The following CACNA2D3 variants were observed in gnomAD, a reference collection of about 807,000 sequenced individuals.
CACNA2D3 encodes calcium voltage-gated channel auxiliary subunit alpha2delta 3.
A neutral mutation model predicts 160.6 loss-of-function variants in CACNA2D3; 60 were observed. The ratio of observed to expected loss-of-function variants is 0.37; its 90% CI spans 0.30 to 0.46. The LOEUF (loss-of-function observed/expected upper bound fraction) is 0.46, where lower values mean the gene tolerates loss of function less well. Among genes scored for constraint, CACNA2D3 ranks in the 20% least tolerant of loss-of-function variants. The pLI, the probability that CACNA2D3 is intolerant of heterozygous loss-of-function variation, is 1.00. For synonymous variants in CACNA2D3, 558 were observed against 492.9 expected (o/e 1.13, Z -1.75); for missense variants, 1,205 against 1,365.0 (o/e 0.88, Z 1.85).
chr3:55,066,621 G>T (rs879920516), intron 35 of CACNA2D3, among the ~76,000 whole-genome samples: 2 of 152,144 alleles, frequency 1.3e-5, no homozygotes, highest in Non-Finnish European at 2.9e-5. Flanking sequence ...GTCACGGGAG[G>T]CTGTCTTGAA....
intron 2 of CACNA2D3, among the ~76,000 whole-genome samples, chr3:54,179,460 T>C (rs1700740093): frequency 6.6e-6 from 1 of 152,192 alleles, no homozygotes; most frequent in South Asian, 2.1e-4. Flanking sequence ...TGAGATGTTA[T>C]GTTCTAAGGC....
rs563319846 is a variant in CACNA2D3 at position 55,064,640 on chromosome 3, G to A, written c.2988-8805G>A. 7.2e-5 allele frequency among the ~76,000 whole-genome samples: 11 copies of A among 152,314 alleles called. 1 individual carries two copies. The South Asian group carries it at 2.3e-3, about 32-fold the overall frequency. On this transcript the variant is annotated intron_variant, in intron 35 of 37. Transcript: ENST00000474759. ...GAATTTTAAGACAGCCATGCCTGCA[G>A]AACACTGAACTCCAAGTGACCAGCC...
At chr3:55,006,125 T>G (rs767735452) in intron 32 of CACNA2D3, among the ~76,000 whole-genome samples, 14 of 152,232 alleles carry the variant, frequency 9.2e-5, no homozygotes, top group Non-Finnish European at 1.6e-4. Context: ...AACCTTAGCA[T>G]GAATATTTCC....
At chr3:54,888,256 T>C (rs1039671954) in intron 24 of CACNA2D3, among the ~76,000 whole-genome samples, 1 of 152,168 alleles carries the variant, frequency 6.6e-6, no homozygotes, top group Middle Eastern at 3.2e-3. Context: ...TATAATTTGT[T>C]TGAGTTTTAA....
At chr3:54,821,649 T>TTTCG (rs1703597341) in intron 14 of CACNA2D3, among the ~76,000 whole-genome samples, 7 of 46,896 alleles carry the variant, frequency 1.5e-4, no homozygotes, top group Non-Finnish European at 3.0e-4. Flanking sequence ...TCGTTCTTTC[T>TTTCG]TTCTTTCTTT....
intron 2 of CACNA2D3, among the ~76,000 whole-genome samples, chr3:54,224,767 T>C (rs1336194016): frequency 1.3e-5 from 2 of 152,154 alleles, no homozygotes; most frequent in Non-Finnish European, 2.9e-5. Context: ...ATACAAAGTG[T>C]GTTTAGATTC....
chr3:54,550,687 C>T (rs1453168994), intron 5 of CACNA2D3, among the ~76,000 whole-genome samples: 2 of 152,158 alleles, frequency 1.3e-5, no homozygotes, highest in Non-Finnish European at 2.9e-5. Context: ...AACAGAATTT[C>T]CCATTTACGT....
intron 5 of CACNA2D3, among the ~76,000 whole-genome samples, chr3:54,542,924 G>C (rs1702004213): frequency 6.6e-6 from 1 of 152,148 alleles, no homozygotes; most frequent in Non-Finnish European, 1.5e-5. Flanking sequence ...ATAGGAAAAA[G>C]ACAAGAGAGA....
Position 54,259,499 on chromosome 3 carries a change from G to C in CACNA2D3, c.205-60943G>C, listed in dbSNP as rs143197070. On this transcript the variant is annotated intron_variant, in intron 2 of 37. Transcript: ENST00000474759. ...GCTTCCACTTAATTAAGCCACACTG[G>C]TGAGATTTCATTTCTGCTGGATGGA... is the stretch of plus-strand genomic sequence containing the variant. Among the ~76,000 whole-genome samples the C allele has an allele frequency of 7.9e-3, 1,197 of 152,264 alleles. 19 individuals are homozygous for C. Among genetic ancestry groups the C allele is most frequent in the African/African-American group, 0.028 (1,149 of 41,546 alleles).
rs373556430 is a variant in CACNA2D3 at position 54,832,011 on chromosome 3, T to TCATACACACAGCACACACACACA, written c.1399-5146_1399-5145insTACACACAGCACACACACACACA. Among the ~76,000 whole-genome samples the TCATACACACAGCACACACACACA allele has an allele frequency of 8.9e-4, 106 of 118,952 alleles. 3 individuals are homozygous for TCATACACACAGCACACACACACA. Among genetic ancestry groups the TCATACACACAGCACACACACACA allele is most frequent in the African/African-American group, 3.2e-3 (97 of 30,214 alleles). 78.0% of individuals were successfully genotyped at this position (118,952 alleles called of 152,430 possible). A position where few individuals can be genotyped will look rare whatever the true frequency, so the allele number is the denominator to read the frequency against. ...TCCCTCTTTATCTCTCTCTTCTCTGTCACACACACACACACACACACACAC... is the reference window on the plus strand; with the variant it reads ...TCCCTCTTTATCTCTCTCTTCTCTGTCATACACACAGCACACACACACACACACACACACACACACACACACAC... On this transcript the variant is annotated intron_variant, in intron 14 of 37. Transcript: ENST00000474759.
intron 27 of CACNA2D3, among the ~76,000 whole-genome samples, chr3:54,900,384 G>C (rs1478419664): frequency 6.6e-6 from 1 of 152,162 alleles, no homozygotes; most frequent in African/African-American, 2.4e-5. Context: ...TTATATGACT[G>C]AGAGTCTTGA....
intron 3 of CACNA2D3, among the ~76,000 whole-genome samples, chr3:54,330,208 ATATGTG>A (rs934150126): frequency 1.9e-5 from 2 of 103,496 alleles, no homozygotes; most frequent in African/African-American, 7.8e-5. Flanking sequence ...TTTTTAATTG[ATATGTG>A]TGTGTGTGTG....
intron 4 of CACNA2D3, among the ~76,000 whole-genome samples, chr3:54,422,595 A>G (rs1419212925): frequency 1.3e-5 from 2 of 152,176 alleles, no homozygotes; most frequent in Non-Finnish European, 2.9e-5. Flanking sequence ...AAGATGCTCA[A>G]TCTCATTAGT....
At chr3:54,881,382 G>C (rs1053616738) in intron 21 of CACNA2D3, among the ~76,000 whole-genome samples, 11 of 152,184 alleles carry the variant, frequency 7.2e-5, no homozygotes, top group African/African-American at 2.7e-4. Flanking sequence ...CCATTTAAAT[G>C]ATTTACATAG....
chr3:54,559,874 C>G (rs1007125880), intron 5 of CACNA2D3, among the ~76,000 whole-genome samples: 3 of 152,144 alleles, frequency 2.0e-5, no homozygotes, highest in Non-Finnish European at 4.4e-5. Flanking sequence ...ATTAGTTTTG[C>G]TAAGGATAAT....
intron 35 of CACNA2D3, among the ~76,000 whole-genome samples, chr3:55,039,362 T>G (rs565024086): frequency 2.6e-5 from 4 of 152,264 alleles, no homozygotes; most frequent in African/African-American, 9.6e-5. Flanking sequence ...AATTCTGATT[T>G]GATGCACAAA....
At chr3:55,010,837 A>C (rs548270680) in intron 34 of CACNA2D3, among the ~76,000 whole-genome samples, 2 of 152,068 alleles carry the variant, frequency 1.3e-5, no homozygotes, top group Non-Finnish European at 1.5e-5. Context: ...GCGTTATCCT[A>C]TCTCTTCTTT....
chr3:55,036,998 T>TG (rs968394831), intron 35 of CACNA2D3, among the ~76,000 whole-genome samples: 2 of 148,198 alleles, frequency 1.3e-5, no homozygotes, highest in African/African-American at 5.0e-5. Context: ...ATCTGCACTT[T>TG]GGCCAGGTTT....
chr3:54,737,501 T>C (rs574067905), intron 11 of CACNA2D3, among the ~76,000 whole-genome samples: 2 of 152,266 alleles, frequency 1.3e-5, no homozygotes, highest in Non-Finnish European at 2.9e-5. Flanking sequence ...AGGAATTTTT[T>C]ACAAGTCTAG....
Sources: gnomAD v4.1 joint callset for allele counts (sites outside exome capture counted in the v4.1 genomes callset) on GRCh38, gnomAD v4.1.1 for gene constraint, MANE v1.5 for transcripts, NCBI Gene and HGNC (gene_info 2026-07-23, HGNC 2026-07-21) for gene names.